The following LEMD1 variants were observed in gnomAD, a reference collection of about 807,000 sequenced individuals.
LEMD1 encodes LEM domain-containing protein 1.
Under a neutral mutation model 17.4 loss-of-function variants are expected in LEMD1, and 18 were observed. The observed-to-expected ratio is 1.04, with a 90% CI of 0.72 to 1.54. The LOEUF (loss-of-function observed/expected upper bound fraction) is 1.54. Among genes scored for constraint, LEMD1 ranks in the 40% most tolerant of loss-of-function variants. The probability of loss-of-function intolerance (pLI) is 0.00; values close to 1 mark genes in which losing one functional copy is unlikely to be tolerated. For synonymous variants in LEMD1, 88 were observed against 77.8 expected (o/e 1.13, Z -0.69); for missense variants, 195 against 210.4 (o/e 0.93, Z 0.45).
chr1:205,417,829 T>C (rs1574991593), intron 3 of LEMD1, among the ~76,000 whole-genome samples: 1 of 61,382 alleles, frequency 1.6e-5, no homozygotes, highest in East Asian at 1.1e-3. Context: ...AGATCAGACA[T>C]GGTAAAAAAA....
intron 1 of LEMD1, among the ~76,000 whole-genome samples, chr1:205,430,705 A>G (rs901184596): frequency 6.6e-6 from 1 of 152,124 alleles, no homozygotes; most frequent in Non-Finnish European, 1.5e-5. Context: ...CTGCCCCAGG[A>G]GCTTCCCACT....
At position 205,448,162 on chromosome 1, in the gene LEMD1, G is replaced by A. The variant is rs992461594; in HGVS notation, c.-39+1706C>T. 2.6e-6 allele frequency: 1 copy of A among 387,394 alleles called. No homozygotes were observed. The highest frequency in any genetic ancestry group is 2.9e-5 in the Admixed American group (1 of 34,324). 24.0% of individuals were successfully genotyped at this position (387,394 alleles called of 1,614,324 possible). Reference sequence around the variant, plus strand: ...AACAGGGCCAGAAGGGAAGTGACTGGGCCAAGGTCACACGGCTTAGCCCCG... The same window carrying A: ...AACAGGGCCAGAAGGGAAGTGACTGAGCCAAGGTCACACGGCTTAGCCCCG... On this transcript the variant is annotated intron_variant, in intron 1 of 3. Coordinates refer to the LEMD1 transcript ENST00000367154. This position sits in a 1 kb window ranked among gnomAD's most constrained non-coding sequence, Gnocchi z 4.7.
At chr1:205,446,356 C>T (rs1273513701) in intron 1 of LEMD1, among the ~76,000 whole-genome samples, 1 of 152,226 alleles carries the variant, frequency 6.6e-6, no homozygotes, top group East Asian at 1.9e-4. Context: ...TATGTCCCTG[C>T]TGGTGGCAAC....
rs767320378 is a variant in LEMD1 at position 205,448,323 on chromosome 1, C to T, written c.-39+1545G>A. ...AGAAGGAGCTCGCCCCTCACTGTAGCCCATGGCTTTTAGCCCTACATGAGT... is the reference window on the plus strand; with the variant it reads ...AGAAGGAGCTCGCCCCTCACTGTAGTCCATGGCTTTTAGCCCTACATGAGT... On this transcript the variant is annotated intron_variant, in intron 1 of 3. Coordinates refer to the LEMD1 transcript ENST00000367154. The surrounding 1 kb of genome is among the most constrained non-coding windows in gnomAD (Gnocchi z 4.7). The T allele has an allele frequency of 1.9e-6, 1 of 533,606 alleles. No individual in the cohort carries two copies. Among genetic ancestry groups the T allele is most frequent in the South Asian group, 1.4e-5 (1 of 71,554 alleles). The allele number at this position is 533,606 out of a possible 1,614,324, so 33.1% of individuals were successfully genotyped here.
intron 4 of LEMD1, among the ~76,000 whole-genome samples, chr1:205,414,830 G>A (rs1327774415): frequency 6.6e-6 from 1 of 152,178 alleles, no homozygotes; most frequent in East Asian, 1.9e-4. Flanking sequence ...CGAGATTACA[G>A]TGAGATATCA....
At chr1:205,439,775 G>A (rs6657330) in intron 1 of LEMD1, among the ~76,000 whole-genome samples, 11 of 152,130 alleles carry the variant, frequency 7.2e-5, no homozygotes, top group East Asian at 3.9e-4. Context: ...GCTGGCATTC[G>A]TCTCTGCCTG....
At chr1:205,409,776 T>TAA (rs55840233) in intron 4 of LEMD1, among the ~76,000 whole-genome samples, 53 of 146,950 alleles carry the variant, frequency 3.6e-4, no homozygotes, top group African/African-American at 5.0e-4. Context: ...GTTAATTAAT[T>TAA]TTTTTTTTTT....
intron 1 of LEMD1, among the ~76,000 whole-genome samples, chr1:205,446,310 C>G (rs1004048474): frequency 6.6e-6 from 1 of 152,250 alleles, no homozygotes; most frequent in East Asian, 1.9e-4. Context: ...AAAGCGAGGA[C>G]TGTCTCGGGT....
intron 4 of LEMD1, among the ~76,000 whole-genome samples, chr1:205,410,875 GA>G (rs1665358924): frequency 6.8e-6 from 1 of 147,434 alleles, no homozygotes; most frequent in African/African-American, 2.5e-5. Flanking sequence ...AGAAAGGAAA[GA>G]AAGAAAAGAA....
intron 4 of LEMD1, among the ~76,000 whole-genome samples, chr1:205,391,846 G>C (rs564682761): frequency 6.6e-6 from 1 of 152,026 alleles, no homozygotes; most frequent in East Asian, 1.9e-4. Context: ...GGTGGCTCAT[G>C]CCTGTAATCC....
chr1:205,406,884 G>T (rs1665140801), intron 4 of LEMD1, among the ~76,000 whole-genome samples: 1 of 152,150 alleles, frequency 6.6e-6, no homozygotes, highest in Non-Finnish European at 1.5e-5. Flanking sequence ...TTATTCCTAG[G>T]TTCCTGACAC....
At chr1:205,424,696 G>C (rs888686086), upstream of LEMD1, among the ~76,000 whole-genome samples, 4 of 152,190 alleles carry the variant, frequency 2.6e-5, no homozygotes, top group African/African-American at 7.2e-5. Context: ...TAAACAACGG[G>C]CTGGGGACAG....
intron 1 of LEMD1, among the ~76,000 whole-genome samples, chr1:205,446,437 C>T (rs1666390362): frequency 6.6e-6 from 1 of 152,234 alleles, no homozygotes; most frequent in Non-Finnish European, 1.5e-5. Context: ...CTCAGCCATC[C>T]CTACAAAGTC....
At chr1:205,410,651 C>CT (rs1208745479) in intron 4 of LEMD1, among the ~76,000 whole-genome samples, 1 of 152,120 alleles carries the variant, frequency 6.6e-6, no homozygotes, top group African/African-American at 2.4e-5. Flanking sequence ...GGGTTTTCAC[C>CT]TTCAACATTT....
At chr1:205,439,924 T>G (rs1192509786) in intron 1 of LEMD1, among the ~76,000 whole-genome samples, 3 of 103,608 alleles carry the variant, frequency 2.9e-5, no homozygotes, top group African/African-American at 7.7e-5. Context: ...GGAAATGGGC[T>G]GGGGGTAAGG....
intron 4 of LEMD1, among the ~76,000 whole-genome samples, chr1:205,404,322 A>G (rs1664991155): frequency 6.6e-6 from 1 of 151,810 alleles, no homozygotes; most frequent in Admixed American, 6.6e-5. Context: ...TCCCATTATT[A>G]TTGTGTGGGA....
In LEMD1 at chr1:205,448,911, G is replaced by T. The variant is rs1298020999; in HGVS notation, c.-39+957C>A. Among the ~76,000 whole-genome samples the T allele has an allele frequency of 6.6e-6, 1 of 152,198 alleles. No individual in the cohort carries two copies. The highest frequency in any genetic ancestry group is 2.4e-5 in the African/African-American group (1 of 41,464). ...GATGAGGACCTACCCTTTGTTTAGA[G>T]GGGTTAAATAGGTTTCTTGAGTGCC... On this transcript the variant is annotated intron_variant, in intron 1 of 3. Transcript: ENST00000367154. The surrounding 1 kb of genome is among the most constrained non-coding windows in gnomAD (Gnocchi z 4.7).
chr1:205,430,102 G>C (rs1666106053), intron 1 of LEMD1, among the ~76,000 whole-genome samples: 1 of 152,224 alleles, frequency 6.6e-6, no homozygotes, highest in African/African-American at 2.4e-5. Context: ...GAGAGCAATC[G>C]AGAGAGCAAG....
At chr1:205,403,224 T>A (rs1325757112) in intron 4 of LEMD1, among the ~76,000 whole-genome samples, 1 of 152,188 alleles carries the variant, frequency 6.6e-6, no homozygotes, top group African/African-American at 2.4e-5. Flanking sequence ...ATAAAATGAG[T>A]TAGGGAGGAT....
Sources: gnomAD v4.1 joint callset for allele counts (sites outside exome capture counted in the v4.1 genomes callset) on GRCh38, gnomAD v4.1.1 for gene constraint, Gnocchi (gnomAD v3.1) non-coding constraint, MANE v1.5 for transcripts, NCBI Gene and HGNC (gene_info 2026-07-23, HGNC 2026-07-21) for gene names.